The following FREM1 variants were observed in gnomAD, a reference collection of about 807,000 sequenced individuals.
FREM1 encodes FRAS1-related extracellular matrix protein 1.
FREM1 carries 220 observed loss-of-function variants against 210.1 expected under a neutral mutation model. That is an observed-to-expected ratio of 1.05 (90% confidence interval 0.94 to 1.17). The LOEUF (loss-of-function observed/expected upper bound fraction) is 1.17, where lower values mean the gene tolerates loss of function less well. Ranked by LOEUF, FREM1 falls within the 50% of genes most tolerant of loss-of-function variation. FREM1 has a pLI of 0.00. For missense variants in FREM1, 3,454 were observed against 2,675.5 expected (o/e 1.29, Z -6.42); for synonymous variants, 1,189 against 980.2 (o/e 1.21, Z -3.98).
At chr9:14,856,794 C>G (rs1254849802) in intron 5 of FREM1, among the ~76,000 whole-genome samples, 1 of 148,514 alleles carries the variant, frequency 6.7e-6, no homozygotes, top group African/African-American at 2.5e-5. Context: ...CATTATTGCG[C>G]TACTGCACTC....
intron 1 of FREM1, among the ~76,000 whole-genome samples, chr9:14,891,175 G>A (rs895697019): frequency 3.9e-5 from 6 of 152,158 alleles, no homozygotes; most frequent in Non-Finnish European, 5.9e-5. Flanking sequence ...GTAAAAGTGA[G>A]ATTCTGTTTA....
chr9:14,898,534 G>A (rs527767000), intron 1 of FREM1, among the ~76,000 whole-genome samples: 18 of 152,254 alleles, frequency 1.2e-4, no homozygotes, highest in Non-Finnish European at 2.2e-4. Flanking sequence ...TTGAGGTCAG[G>A]AGTTCGAGAC....
chr9:14,842,575 G>A lies in FREM1; in HGVS notation c.1479C>T (p.Asp493=). Residue 493 remains aspartate (D), a synonymous_variant, in exon 9 of 37, where the codon GAC becomes GAT. Coordinates refer to ENST00000380880, the MANE Select transcript of FREM1 (RefSeq NM_001379081.2). ...CATCAAATATCCGGAAGACCACGAAGTCTTTGGTGGAGTCGCTGTCATCAT... is the reference window on the plus strand; with the variant it reads ...CATCAAATATCCGGAAGACCACGAAATCTTTGGTGGAGTCGCTGTCATCAT... The part of the protein sequence containing the change: ...YHHDDSDSTK[D]FVVFRIFDGH... 6.2e-7 allele frequency: 1 copy of A among 1,613,984 alleles called. No individual in the cohort carries two copies. Among genetic ancestry groups the A allele is most frequent in the Non-Finnish European group, 8.5e-7 (1 of 1,179,840 alleles).
At chr9:14,822,215 G>A (rs1821486861) in intron 13 of FREM1, among the ~76,000 whole-genome samples, 1 of 148,716 alleles carries the variant, frequency 6.7e-6, no homozygotes, top group Non-Finnish European at 1.5e-5. Context: ...CCTTTCCTTT[G>A]TAAATTACCC....
Position 14,859,463 on chromosome 9 carries a change from G to A in FREM1, c.351C>T (p.Phe117=). The change falls in exon 4 of 37, where the codon TTC becomes TTT. Residue 117 remains phenylalanine, a synonymous_variant. Transcript: ENST00000380880. ...RLYRFTERDT[F]IETFILWVYL... is the part of the protein sequence containing the mutation. The stretch of plus-strand genomic sequence containing the variant: ...AGACCCACAGGATAAAAGTTTCTAT[G>A]AAGGTATCTCTTTCAGTAAATCTGT... 1.2e-6 allele frequency: 2 copies of A among 1,613,034 alleles called. No homozygotes were observed.
chr9:14,874,454 T>C (rs1187114814), intron 1 of FREM1, among the ~76,000 whole-genome samples: 5 of 150,280 alleles, frequency 3.3e-5, no homozygotes, highest in East Asian at 1.9e-4. Flanking sequence ...TCTTTGTTGG[T>C]TTAAAGTCTG....
chr9:14,897,543 C>T (rs566947249), intron 1 of FREM1, among the ~76,000 whole-genome samples: 17 of 151,270 alleles, frequency 1.1e-4, no homozygotes, highest in East Asian at 3.9e-4. Flanking sequence ...AAAAAAAAAG[C>T]GCAACACCTA....
intron 10 of FREM1, among the ~76,000 whole-genome samples, chr9:14,831,596 G>A (rs1242275824): frequency 1.3e-5 from 2 of 152,162 alleles, no homozygotes; most frequent in Admixed American, 6.5e-5. Flanking sequence ...TTTTAATTCT[G>A]GAAGTTAACC....
At chr9:14,765,197 A>T (rs564902969) in intron 27 of FREM1, among the ~76,000 whole-genome samples, 51 of 152,362 alleles carry the variant, frequency 3.3e-4, no homozygotes, top group African/African-American at 1.1e-3. Flanking sequence ...CTCAATTCAT[A>T]GATGATGCTA....
chr9:14,886,895 CAA>C (rs59827471), intron 1 of FREM1, among the ~76,000 whole-genome samples: 6,070 of 95,408 alleles, frequency 0.064, 303 homozygotes, highest in African/African-American at 0.22. Flanking sequence ...GACCTTGTTT[CAA>C]AAAAAAAAAA....
intron 1 of FREM1, among the ~76,000 whole-genome samples, chr9:14,889,288 C>T (rs1836360738): frequency 6.6e-6 from 1 of 152,248 alleles, no homozygotes; most frequent in African/African-American, 2.4e-5. Context: ...CCTCACCAGC[C>T]TTCCTCACAT....
chr9:14,832,688 G>A (rs776805121), intron 10 of FREM1, among the ~76,000 whole-genome samples: 3 of 152,174 alleles, frequency 2.0e-5, no homozygotes, highest in Admixed American at 6.5e-5. Flanking sequence ...GAACCCAGAA[G>A]CCTGATGCCT....
intron 20 of FREM1, among the ~76,000 whole-genome samples, chr9:14,798,035 C>A (rs12351616): frequency 0.056 from 8,572 of 151,884 alleles, 679 homozygotes; most frequent in African/African-American, 0.18. Flanking sequence ...TAAATATTAA[C>A]AATGTAACTG....
chr9:14,824,046 C>A lies in FREM1; in HGVS notation c.2148G>T (p.Leu716=). The A allele has an allele frequency of 6.3e-7, 1 of 1,593,622 alleles. No individual in the cohort carries two copies. The change falls in exon 12 of 37, where the codon CTG becomes CTT. Residue 716 remains leucine (L), a synonymous_variant. Coordinates refer to ENST00000380880, the MANE Select transcript of FREM1 (RefSeq NM_001379081.2). ...ATACCTGAGTGAATGACCTCAGCTC[C>A]AGGGCCGTAGGATTCTTAACTACTT... ...IPKVVKNPTA[L]ELRSFTQHAV... is the part of the protein sequence containing the mutation.
At chr9:14,793,486 T>C (rs1323432668) in intron 21 of FREM1, among the ~76,000 whole-genome samples, 2 of 152,204 alleles carry the variant, frequency 1.3e-5, no homozygotes, top group South Asian at 2.1e-4. Flanking sequence ...TCTTGAACAG[T>C]AGGCTGGGGC....
rs41298151 is a variant in FREM1 at position 14,842,660 on chromosome 9, C to G, written c.1394G>C (p.Gly465Ala). The change falls in exon 9 of 37, where the codon GGG becomes GCG. Residue 465 changes from glycine to alanine, a missense_variant and splice_region_variant. Transcript: ENST00000380880. ...CACGGTGAAGAGAAACCCTTTCCCC[C>G]CTGAGGGAGAGAGCAGAGATGGAGC... ...GLQHGWLTLR[G>A]GKGFLFTVAD... 20,458 of 1,610,642 alleles carry G rather than the reference C, an allele frequency of 0.013. 298 individuals are homozygous for G. The highest frequency in any genetic ancestry group is 0.047 in the South Asian group (4,292 of 90,846).
intron 6 of FREM1, 66 bp downstream of exon 6, chr9:14,851,218 G>C (rs2131385973): frequency 8.5e-7 from 1 of 1,170,552 alleles, no homozygotes; most frequent in East Asian, 2.4e-5. Context: ...GAGGGTTTAG[G>C]GTAGGGGGTT....
rs182504005 is a variant in FREM1 at position 14,822,084 on chromosome 9, A to G, written c.2337+1076T>C. Among the ~76,000 whole-genome samples the G allele has an allele frequency of 3.2e-3, 492 of 152,228 alleles. 1 individual carries two copies. Among genetic ancestry groups the G allele is most frequent in the Middle Eastern group, 0.01 (3 of 294 alleles). ...ACAAGATCTGATGGTTTTATAAATGAGAGTTCCCTGCACAAGTTCTCTTGC... is the reference window on the plus strand; with the variant it reads ...ACAAGATCTGATGGTTTTATAAATGGGAGTTCCCTGCACAAGTTCTCTTGC... On this transcript the variant is annotated intron_variant, in intron 13 of 36. Transcript: ENST00000380880.
chr9:14,821,592 G>C (rs1246082043), intron 13 of FREM1, among the ~76,000 whole-genome samples: 2 of 152,250 alleles, frequency 1.3e-5, no homozygotes, highest in Non-Finnish European at 2.9e-5. Context: ...CCGGGAATAT[G>C]ATCTGGTCCC....
Sources: gnomAD v4.1 joint callset for allele counts (sites outside exome capture counted in the v4.1 genomes callset) on GRCh38, gnomAD v4.1.1 for gene constraint, MANE v1.5 for transcripts, NCBI Gene and HGNC (gene_info 2026-07-23, HGNC 2026-07-21) for gene names.